TMEM220: variants seen among roughly 807,000 people sequenced by gnomAD.
The protein encoded by TMEM220 is transmembrane protein 220.
A neutral mutation model predicts 21.7 loss-of-function variants in TMEM220; 21 were observed. The observed-to-expected ratio is 0.97, with a 90% CI of 0.69 to 1.39. The LOEUF (loss-of-function observed/expected upper bound fraction) is 1.39, where lower values mean the gene tolerates loss of function less well. Among genes scored for constraint, TMEM220 ranks in the 40% most tolerant of loss-of-function variants. TMEM220 has a pLI of 0.00. For synonymous variants in TMEM220, 80 were observed against 73.6 expected (o/e 1.09, Z -0.45); for missense variants, 191 against 201.9 (o/e 0.95, Z 0.33).
intron 5 of TMEM220, among the ~76,000 whole-genome samples, chr17:10,715,849 T>C (rs551620264): frequency 2.0e-5 from 3 of 152,316 alleles, no homozygotes; most frequent in Non-Finnish European, 2.9e-5. Context: ...AATGTTAAAG[T>C]TGATCTTTTC....
At chr17:10,723,103 C>G (rs1053132179) in intron 5 of TMEM220, among the ~76,000 whole-genome samples, 167 bp downstream of exon 5, 12 of 151,804 alleles carry the variant, frequency 7.9e-5, no homozygotes. Context: ...GCCTCAGCCT[C>G]CCAAGTAGCT....
chr17:10,721,777 A>G (rs1017426941), intron 5 of TMEM220, among the ~76,000 whole-genome samples: 5 of 144,558 alleles, frequency 3.5e-5, no homozygotes, highest in Non-Finnish European at 6.0e-5. Context: ...ATGTTTGAAA[A>G]TTCAAAATAA....
Position 10,723,267 on chromosome 17 carries a change from T to C in TMEM220, c.347+3A>G, listed in dbSNP as rs781007157. 4.3e-6 allele frequency: 7 copies of C among 1,613,798 alleles called. No homozygotes were observed. The highest frequency in any genetic ancestry group is 5.1e-6 in the Non-Finnish European group (6 of 1,179,786). ...GTGAAGATGTGATGAGTTGAATACTTACTTTGAGGAACTGTGGCACAGGAT... is the reference window on the plus strand; with the variant it reads ...GTGAAGATGTGATGAGTTGAATACTCACTTTGAGGAACTGTGGCACAGGAT... On this transcript the variant is annotated splice_donor_region_variant and intron_variant, in intron 5 of 5. Coordinates refer to ENST00000341871, the MANE Select transcript of TMEM220 (RefSeq NM_001004313.3).
chr17:10,727,579 G>A (rs528573120), intron 2 of TMEM220, among the ~76,000 whole-genome samples: 35 of 152,256 alleles, frequency 2.3e-4, no homozygotes, highest in East Asian at 1.3e-3. Flanking sequence ...TGTCTGCAGG[G>A]AAATAATATT....
rs910448155 is a variant in TMEM220, at chr17:10,724,919, T to C, written c.287+92A>G. On this transcript the variant is annotated intron_variant, in intron 4 of 5. Transcript: ENST00000341871. ...CACAGGGTACACTGGGGGAATTCAG[T>C]TATCATTGTGCACAGATGAGGTGTT... The C allele has an allele frequency of 3.2e-6, 5 of 1,542,934 alleles. No homozygotes were observed. In the African/African-American group the frequency reaches 6.8e-5, roughly 21 times the overall value.
At chr17:10,718,113 C>T (rs1179138196) in intron 5 of TMEM220, among the ~76,000 whole-genome samples, 1 of 152,112 alleles carries the variant, frequency 6.6e-6, no homozygotes, top group Non-Finnish European at 1.5e-5. Context: ...TGAGCCACGG[C>T]GCCCGGCCCT....
At chr17:10,711,685 G>GTCC (rs1288700283), downstream of TMEM220, among the ~76,000 whole-genome samples, 4 of 152,292 alleles carry the variant, frequency 2.6e-5, no homozygotes, top group Admixed American at 6.5e-5. Flanking sequence ...AAGTCATGTA[G>GTCC]TCCTCTTGGG....
In TMEM220 at chr17:10,714,249, A is replaced by G. The variant is rs1389930452; in HGVS notation, c.*1204T>C. 1 of 152,142 alleles carries G rather than the reference A, an allele frequency of 6.6e-6. No homozygotes were observed. Among genetic ancestry groups the G allele is most frequent in the African/African-American group, 2.4e-5 (1 of 41,440 alleles). The allele number at this position is 152,142 out of a possible 1,614,324, so 9.4% of individuals were successfully genotyped here. ...CCACTCATTTGGACACTAAATTTTC[A>G]TTGGAAATACTTTATCTGTATTTAG... is the stretch of plus-strand genomic sequence containing the variant. On this transcript the variant is annotated 3_prime_UTR_variant, in exon 6 of 6. Coordinates refer to ENST00000341871, the MANE Select transcript of TMEM220 (RefSeq NM_001004313.3).
At chr17:10,721,016 T>G (rs1277998508) in intron 5 of TMEM220, among the ~76,000 whole-genome samples, 2 of 152,216 alleles carry the variant, frequency 1.3e-5, no homozygotes, top group African/African-American at 4.8e-5. Context: ...CATCTTAACT[T>G]TAAATGTATA....
downstream of TMEM220, among the ~76,000 whole-genome samples, chr17:10,712,034 A>G (rs397278): frequency 0.51 from 77,929 of 151,974 alleles, 20,776 homozygotes; most frequent in African/African-American, 0.66. Flanking sequence ...AAACCTGGCG[A>G]CTTAAACCAA....
intron 1 of TMEM220, 70 bp from the exon 2 acceptor site, chr17:10,729,130 G>C: frequency 1.5e-5 from 23 of 1,570,702 alleles, no homozygotes; most frequent in Non-Finnish European, 1.9e-5. Flanking sequence ...ATTCATTTAA[G>C]CACATTTTTT....
chr17:10,711,561 A>G (rs1179326490), downstream of TMEM220, among the ~76,000 whole-genome samples: 2 of 152,190 alleles, frequency 1.3e-5, no homozygotes, highest in Non-Finnish European at 2.9e-5. Flanking sequence ...TGCTCAGAAC[A>G]CCTATACTTG....
chr17:10,726,335 A>T, intron 2 of TMEM220, 71 bp from the exon 3 acceptor site: 1 of 1,262,170 alleles, frequency 7.9e-7, no homozygotes, highest in Non-Finnish European at 1.2e-6. Flanking sequence ...TCAGAGATAC[A>T]GGAAGTAAAG....
At chr17:10,721,513 G>A (rs1252883039) in intron 5 of TMEM220, among the ~76,000 whole-genome samples, 2 of 147,438 alleles carry the variant, frequency 1.4e-5, no homozygotes, top group African/African-American at 5.0e-5. Flanking sequence ...GCTGACGCAG[G>A]AGAATTGCTT....
chr17:10,729,917 ACGGT>A lies in TMEM220; in HGVS notation c.-70_-67del. ...TGCGGGGCGGTGAGTCCTGCCACGT[ACGGT>A]CCGCCTTCCTCCTTGCGCGGAGGGA... On this transcript the variant is annotated 5_prime_UTR_variant, in exon 1 of 6. Coordinates refer to ENST00000341871, the MANE Select transcript of TMEM220 (RefSeq NM_001004313.3). 1 of 1,255,032 alleles carries A rather than the reference ACGGT, an allele frequency of 8.0e-7. No individual in the cohort carries two copies. The allele number at this position is 1,255,032 out of a possible 1,614,324, so 77.7% of individuals were successfully genotyped here.
intron 4 of TMEM220, 134 bp from the exon 5 acceptor site, chr17:10,723,463 T>A: frequency 1.4e-6 from 1 of 703,298 alleles, no homozygotes; most frequent in Non-Finnish European, 2.6e-6. Flanking sequence ...ATGGCATCGA[T>A]GGAATATTTT....
In TMEM220 at chr17:10,727,870, G is replaced by T. The variant is rs114623911; in HGVS notation, c.102+1161C>A. 7.7e-3 allele frequency among the ~76,000 whole-genome samples: 1,167 copies of T among 152,226 alleles called. 18 individuals carry two copies. Among genetic ancestry groups the T allele is most frequent in the African/African-American group, 0.027 (1,120 of 41,528 alleles). On this transcript the variant is annotated intron_variant, in intron 2 of 5. Coordinates refer to ENST00000341871, the MANE Select transcript of TMEM220 (RefSeq NM_001004313.3). ...AATTCAGATATTTTGGAAGATAAAA[G>T]ATATTTAGAGCCGGGCGCGGTGACT...
chr17:10,720,206 C>T (rs1385760987), intron 5 of TMEM220, among the ~76,000 whole-genome samples: 1 of 152,086 alleles, frequency 6.6e-6, no homozygotes, highest in Non-Finnish European at 1.5e-5. Context: ...GTCTCACTTC[C>T]AGGAATTTAT....
chr17:10,727,874 T>C (rs1444699691), intron 2 of TMEM220, among the ~76,000 whole-genome samples: 1 of 152,122 alleles, frequency 6.6e-6, no homozygotes, highest in East Asian at 1.9e-4. Flanking sequence ...ATAAAAGATA[T>C]TTAGAGCCGG....
Sources: gnomAD v4.1 joint callset for allele counts (sites outside exome capture counted in the v4.1 genomes callset) on GRCh38, gnomAD v4.1.1 for gene constraint, MANE v1.5 for transcripts, NCBI Gene and HGNC (gene_info 2026-07-23, HGNC 2026-07-21) for gene names.